The following NAALADL2 variants were observed in gnomAD, a reference collection of about 807,000 sequenced individuals.
NAALADL2 encodes inactive N-acetylated-alpha-linked acidic dipeptidase-like protein 2.
A neutral mutation model predicts 87.2 loss-of-function variants in NAALADL2; 76 were observed. The observed-to-expected ratio is 0.87, with a 90% CI of 0.72 to 1.05. NAALADL2 has a LOEUF of 1.05. Ranked by LOEUF, NAALADL2 falls within the 50% of genes least tolerant of loss-of-function variation. The pLI is 0.00. For synonymous variants in NAALADL2, 354 were observed against 331.0 expected (o/e 1.07, Z -0.75); for missense variants, 1,089 against 945.8 (o/e 1.15, Z -1.99).
intron 4 of NAALADL2, among the ~76,000 whole-genome samples, chr3:175,289,147 T>A (rs1332323357): frequency 6.6e-6 from 1 of 152,032 alleles, no homozygotes; most frequent in African/African-American, 2.4e-5. Flanking sequence ...TAGAAAAAAA[T>A]TAACATTTTT....
intron 2 of NAALADL2, among the ~76,000 whole-genome samples, chr3:175,133,014 A>G (rs7644315): frequency 0.56 from 81,500 of 144,420 alleles, 23,726 homozygotes; most frequent in African/African-American, 0.7. Flanking sequence ...ACGGAGTCGC[A>G]GCCAGGTAGA....
chr3:175,741,691 G>A (rs1745258643), intron 12 of NAALADL2, among the ~76,000 whole-genome samples: 2 of 151,982 alleles, frequency 1.3e-5, no homozygotes, highest in Non-Finnish European at 2.9e-5. Flanking sequence ...AGATAATTCA[G>A]CATAATTTTT....
intron 2 of NAALADL2, among the ~76,000 whole-genome samples, chr3:175,206,260 A>ATTT (rs1475347744): frequency 1.1e-5 from 1 of 92,654 alleles, no homozygotes; most frequent in African/African-American, 7.2e-5. Flanking sequence ...ATATATATAT[A>ATTT]TATTTTTTTT....
intron 10 of NAALADL2, among the ~76,000 whole-genome samples, chr3:175,622,372 G>C (rs10513736): frequency 0.63 from 95,836 of 152,014 alleles, 34,411 homozygotes; most frequent in East Asian, 0.87. Context: ...TGATATACGT[G>C]ACGAATTTTA....
At chr3:175,086,339 G>A (rs868329445) in intron 1 of NAALADL2, among the ~76,000 whole-genome samples, 41 of 151,786 alleles carry the variant, frequency 2.7e-4, no homozygotes, top group Admixed American at 6.6e-4. Context: ...GAATAGAAAG[G>A]TAAAAATGAA....
chr3:175,648,576 C>T (rs1730334749), intron 11 of NAALADL2, among the ~76,000 whole-genome samples: 1 of 149,006 alleles, frequency 6.7e-6, no homozygotes, highest in Admixed American at 6.8e-5. Context: ...GTGCCAATGT[C>T]ACATACATTT....
At chr3:175,493,393 G>A (rs1169532648) in intron 9 of NAALADL2, among the ~76,000 whole-genome samples, 1 of 152,104 alleles carries the variant, frequency 6.6e-6, no homozygotes, top group East Asian at 1.9e-4. Flanking sequence ...ATCATCCAAT[G>A]CTATAAAAAT....
chr3:174,907,404 A>C (rs1361505634), intron 1 of NAALADL2, among the ~76,000 whole-genome samples: 1 of 152,128 alleles, frequency 6.6e-6, no homozygotes, highest in East Asian at 1.9e-4. Flanking sequence ...GATGCTAAGA[A>C]GTGTTTTGAG....
At chr3:174,965,424 T>C (rs1742727020) in intron 1 of NAALADL2, among the ~76,000 whole-genome samples, 1 of 152,148 alleles carries the variant, frequency 6.6e-6, no homozygotes, top group Non-Finnish European at 1.5e-5. Flanking sequence ...CTATGGAAAA[T>C]TAGTTCCCAC....
chr3:175,601,533 T>G (rs1722974620), intron 10 of NAALADL2, among the ~76,000 whole-genome samples: 1 of 152,198 alleles, frequency 6.6e-6, no homozygotes, highest in South Asian at 2.1e-4. Context: ...AGCAATATAT[T>G]GACATAAAGA....
At chr3:175,101,231 T>C (rs1244766943) in intron 2 of NAALADL2, among the ~76,000 whole-genome samples, 2 of 152,238 alleles carry the variant, frequency 1.3e-5, no homozygotes, top group Non-Finnish European at 2.9e-5. Context: ...TATTTGCATC[T>C]TTTCCTAATG....
intron 3 of NAALADL2, among the ~76,000 whole-genome samples, chr3:175,239,992 C>A (rs1246763277): frequency 6.6e-6 from 1 of 152,102 alleles, no homozygotes; most frequent in South Asian, 2.1e-4. Context: ...AACATCAGAA[C>A]AATATATCAA....
rs150705800 is a variant in NAALADL2 at position 174,536,108 on chromosome 3, A to C, written c.-183-14461A>C. 3.4e-3 allele frequency among the ~76,000 whole-genome samples: 517 copies of C among 152,258 alleles called. 4 individuals are homozygous for C. The highest frequency in any genetic ancestry group is 0.012 in the African/African-American group (494 of 41,564). ...TTAAAGTATACTCCCAGATAGTTTC[A>C]AGCAAATACTGAGTTTCTAGTATGT... is the stretch of plus-strand genomic sequence containing the variant. On this transcript the variant is annotated intron_variant, in intron 1 of 3. Transcript: ENST00000434257.
At chr3:174,607,612 G>A (rs1481613501) in intron 2 of NAALADL2, among the ~76,000 whole-genome samples, 1 of 151,746 alleles carries the variant, frequency 6.6e-6, no homozygotes, top group Non-Finnish European at 1.5e-5. Context: ...AACAAGAAGA[G>A]CTAACTATCC....
At chr3:174,528,066 G>A (rs2108433264) in intron 1 of NAALADL2, among the ~76,000 whole-genome samples, 1 of 152,188 alleles carries the variant, frequency 6.6e-6, no homozygotes, top group Admixed American at 6.5e-5. Context: ...CGTGTGGCCA[G>A]AAAAGCCAAA....
At chr3:175,101,897 T>G (rs1442863913) in intron 2 of NAALADL2, among the ~76,000 whole-genome samples, 1 of 152,094 alleles carries the variant, frequency 6.6e-6, no homozygotes, top group Non-Finnish European at 1.5e-5. Context: ...TTTCTAATTA[T>G]AAGTGCAATA....
chr3:175,015,845 G>T (rs537446014), intron 1 of NAALADL2, among the ~76,000 whole-genome samples: 2 of 151,724 alleles, frequency 1.3e-5, no homozygotes, highest in African/African-American at 2.4e-5. Flanking sequence ...ATTTATGAGG[G>T]TCTATGTGTT....
chr3:174,755,292 T>A (rs1370882762), intron 3 of NAALADL2, among the ~76,000 whole-genome samples: 1 of 152,150 alleles, frequency 6.6e-6, no homozygotes, highest in African/African-American at 2.4e-5. Flanking sequence ...CAACTAAACC[T>A]CATTTTTTAA....
At chr3:175,215,697 C>T (rs1305909833) in intron 2 of NAALADL2, among the ~76,000 whole-genome samples, 1 of 152,142 alleles carries the variant, frequency 6.6e-6, no homozygotes, top group Non-Finnish European at 1.5e-5. Flanking sequence ...ACAGTTGTCT[C>T]CATATACCTA....
Sources: allele counts gnomAD v4.1 joint callset (sites outside exome capture counted in the v4.1 genomes callset), GRCh38; gene constraint gnomAD v4.1.1; transcripts MANE v1.5; gene names NCBI Gene and HGNC (gene_info 2026-07-23, HGNC 2026-07-21).